The following ARHGAP15 variants were observed in gnomAD, a reference collection of about 807,000 sequenced individuals.
ARHGAP15 encodes Rho GTPase activating protein 15, also known as rho GTPase-activating protein 15.
Under a neutral mutation model 63.7 loss-of-function variants are expected in ARHGAP15, and 51 were observed. The observed-to-expected ratio is 0.80, with a 90% confidence interval of 0.64 to 1.01. The LOEUF is 1.01. ARHGAP15 is among the 50% of genes least tolerant of loss of function. ARHGAP15 has a pLI of 0.00. For missense variants in ARHGAP15, 560 were observed against 564.6 expected, an observed-to-expected ratio of 0.99 and a Z score of 0.08; for synonymous variants, 191 against 193.8, an observed-to-expected ratio of 0.99 and a Z score of 0.12.
intron 13 of ARHGAP15, among the ~76,000 whole-genome samples, chr2:143,755,014 A>C (rs1686520449): frequency 6.6e-6 from 1 of 152,202 alleles, no homozygotes; most frequent in African/African-American, 2.4e-5. Flanking sequence ...TGTACAAGGA[A>C]GGGTAGAGAA....
chr2:143,682,764 T>C (rs757060078), intron 12 of ARHGAP15: 3 of 152,198 alleles, frequency 2.0e-5, no homozygotes, highest in Non-Finnish European at 4.4e-5. Context: ...ACTTCCTATA[T>C]ACTTTGCTAA....
chr2:143,238,728 A>G (rs1693749816), intron 5 of ARHGAP15, among the ~76,000 whole-genome samples: 1 of 152,204 alleles, frequency 6.6e-6, no homozygotes, highest in East Asian at 1.9e-4. Context: ...ATTCTATTAT[A>G]AAGACACATG....
intron 3 of ARHGAP15, among the ~76,000 whole-genome samples, chr2:143,207,491 CAT>C (rs1260965729): frequency 7.6e-6 from 1 of 130,876 alleles, no homozygotes; most frequent in African/African-American, 3.0e-5. Context: ...CACACACACA[CAT>C]AAACACACAC....
chr2:143,423,288 G>T (rs1689006323), intron 6 of ARHGAP15, among the ~76,000 whole-genome samples: 1 of 152,090 alleles, frequency 6.6e-6, no homozygotes, highest in East Asian at 1.9e-4. Context: ...CACTAATACA[G>T]GTTCTCAGTG....
intron 6 of ARHGAP15, among the ~76,000 whole-genome samples, chr2:143,259,609 G>T (rs1040127401): frequency 6.6e-6 from 1 of 152,072 alleles, no homozygotes; most frequent in Admixed American, 6.6e-5. Flanking sequence ...CTCTGATTCG[G>T]TTTGACTGGG....
At chr2:143,182,585 TTTAC>T (rs953363503) in intron 2 of ARHGAP15, among the ~76,000 whole-genome samples, 94 of 152,248 alleles carry the variant, frequency 6.2e-4, no homozygotes, top group African/African-American at 2.2e-3. Flanking sequence ...TGTAGGGGCT[TTTAC>T]TTACTTACCC....
intron 6 of ARHGAP15, among the ~76,000 whole-genome samples, chr2:143,397,873 T>C (rs1312748723): frequency 7.9e-5 from 12 of 152,132 alleles, no homozygotes; most frequent in Admixed American, 2.0e-4. Flanking sequence ...GATAGATTCA[T>C]ATCTTCAATG....
At chr2:143,408,867 A>G (rs1688324790) in intron 6 of ARHGAP15, among the ~76,000 whole-genome samples, 1 of 151,850 alleles carries the variant, frequency 6.6e-6, no homozygotes, top group South Asian at 2.1e-4. Flanking sequence ...GTGGTTTGGG[A>G]AGGAAGAATG....
At chr2:143,330,112 A>C (rs1274691894) in intron 6 of ARHGAP15, among the ~76,000 whole-genome samples, 4 of 87,994 alleles carry the variant, frequency 4.5e-5, no homozygotes, top group Admixed American at 1.4e-4. Flanking sequence ...AAAAAAAAAA[A>C]AAAAAAAAAA....
intron 13 of ARHGAP15, among the ~76,000 whole-genome samples, chr2:143,751,831 C>A (rs1170564249): frequency 1.3e-5 from 2 of 152,126 alleles, no homozygotes; most frequent in Non-Finnish European, 2.9e-5. Context: ...ACTCTGTCCC[C>A]CTGGTGTAAC....
At chr2:143,308,673 G>A (rs1228100060) in intron 6 of ARHGAP15, among the ~76,000 whole-genome samples, 2 of 152,020 alleles carry the variant, frequency 1.3e-5, no homozygotes, top group Non-Finnish European at 2.9e-5. Context: ...TGTGATAACT[G>A]TAAAATCATT....
At chr2:143,665,112 C>G (rs369652546) in intron 12 of ARHGAP15, among the ~76,000 whole-genome samples, 1 of 150,924 alleles carries the variant, frequency 6.6e-6, no homozygotes, top group South Asian at 2.1e-4. Flanking sequence ...GAGACACAAC[C>G]AAAAAAGAGA....
At chr2:143,718,392 C>A (rs1028678679) in intron 13 of ARHGAP15, among the ~76,000 whole-genome samples, 1 of 152,126 alleles carries the variant, frequency 6.6e-6, no homozygotes, top group Non-Finnish European at 1.5e-5. Flanking sequence ...GAAGTAGCTA[C>A]AAAACAGTAG....
chr2:143,575,354 A>G (rs184786476), intron 11 of ARHGAP15, among the ~76,000 whole-genome samples: 12 of 152,280 alleles, frequency 7.9e-5, no homozygotes, highest in African/African-American at 2.9e-4. Flanking sequence ...CAGAGCTGAG[A>G]CTGGTGCAAT....
At chr2:143,464,964 TAAA>T (rs1325808241) in intron 8 of ARHGAP15, among the ~76,000 whole-genome samples, 1 of 152,136 alleles carries the variant, frequency 6.6e-6, no homozygotes, top group South Asian at 2.1e-4. Context: ...TTTTTAAACT[TAAA>T]AAACACCCTT....
chr2:143,379,485 ATATGTGTGTGTGTGTGTG>A (rs1376285080), intron 6 of ARHGAP15, among the ~76,000 whole-genome samples: 20 of 90,188 alleles, frequency 2.2e-4, no homozygotes, highest in African/African-American at 3.6e-4. Flanking sequence ...TTAGGCATAT[ATATGTGTGTGTGTGTGTG>A]TGTGTGTGTG....
At chr2:143,512,262 C>T (rs1486719139) in intron 9 of ARHGAP15, among the ~76,000 whole-genome samples, 1 of 152,218 alleles carries the variant, frequency 6.6e-6, no homozygotes, top group African/African-American at 2.4e-5. Context: ...CTCCCAGTAA[C>T]ATCAGAAAAA....
intron 2 of ARHGAP15, among the ~76,000 whole-genome samples, chr2:143,159,607 G>A (rs936602269): frequency 6.6e-6 from 1 of 151,930 alleles, no homozygotes; most frequent in South Asian, 2.1e-4. Context: ...TGGAAAATGT[G>A]CAGCCAACAC....
chr2:143,394,639 C>T (rs1390809681), intron 6 of ARHGAP15, among the ~76,000 whole-genome samples: 1 of 152,136 alleles, frequency 6.6e-6, no homozygotes, highest in South Asian at 2.1e-4. Context: ...TGAAGACTTT[C>T]CCAGGTTAGG....
Sources: gnomAD v4.1 joint callset for allele counts (sites outside exome capture counted in the v4.1 genomes callset) on GRCh38, gnomAD v4.1.1 for gene constraint, MANE v1.5 for transcripts, NCBI Gene and HGNC (gene_info 2026-07-23, HGNC 2026-07-21) for gene names.